The following CNTNAP2 variants were observed in gnomAD, a reference collection of about 807,000 sequenced individuals.
The protein encoded by CNTNAP2 is contactin-associated protein-like 2.
Under a neutral mutation model 155.2 loss-of-function variants are expected in CNTNAP2, and 98 were observed. The ratio of observed to expected loss-of-function variants is 0.63; its 90% CI spans 0.54 to 0.75. The LOEUF (loss-of-function observed/expected upper bound fraction) is 0.75, where lower values mean the gene tolerates loss of function less well. Ranked by LOEUF, CNTNAP2 falls within the 30% of genes least tolerant of loss-of-function variation. The probability of loss-of-function intolerance (pLI) is 0.00; values close to 1 mark genes in which losing one functional copy is unlikely to be tolerated. For missense variants in CNTNAP2, 1,727 were observed against 1,688.1 expected (o/e 1.02, Z -0.40); for synonymous variants, 651 against 631.2 (o/e 1.03, Z -0.47).
intron 1 of CNTNAP2, among the ~76,000 whole-genome samples, chr7:146,675,962 G>T (rs1319394378): frequency 6.6e-6 from 1 of 152,046 alleles, no homozygotes; most frequent in Non-Finnish European, 1.5e-5. Flanking sequence ...AGTGAAATTT[G>T]GTTCTCGAGC....
At chr7:147,431,916 A>G (rs1797472821) in intron 10 of CNTNAP2, among the ~76,000 whole-genome samples, 1 of 152,036 alleles carries the variant, frequency 6.6e-6, no homozygotes, top group Non-Finnish European at 1.5e-5. Context: ...CATGGATTTG[A>G]TTTCTGAGTA....
chr7:147,377,938 T>G, intron 9 of CNTNAP2: 1 of 448,760 alleles, frequency 2.2e-6, no homozygotes, highest in East Asian at 7.0e-5. Flanking sequence ...TTTCTGAATC[T>G]GAATTTTTAA....
chr7:146,780,675 C>A (rs1172617641), intron 2 of CNTNAP2, among the ~76,000 whole-genome samples: 1 of 151,944 alleles, frequency 6.6e-6, no homozygotes, highest in East Asian at 1.9e-4. Context: ...ATATACACCA[C>A]GGAACACTAT....
intron 1 of CNTNAP2, among the ~76,000 whole-genome samples, chr7:146,172,410 T>C (rs1798408119): frequency 6.6e-6 from 1 of 152,098 alleles, no homozygotes; most frequent in Non-Finnish European, 1.5e-5. Flanking sequence ...AGTACCAAGG[T>C]TGAGAAATTC....
At chr7:147,729,536 T>G (rs73472848) in intron 13 of CNTNAP2, among the ~76,000 whole-genome samples, 57,126 of 139,156 alleles carry the variant, frequency 0.41, 13,245 homozygotes, top group African/African-American at 0.66. Flanking sequence ...TTCATAGAAT[T>G]AGGTAAAAAG....
At chr7:146,206,568 A>T (rs925894126) in intron 1 of CNTNAP2, among the ~76,000 whole-genome samples, 1 of 151,946 alleles carries the variant, frequency 6.6e-6, no homozygotes. Context: ...TATACAATGC[A>T]TCTTTAGTAC....
At chr7:147,494,691 A>G (rs1229680428) in intron 11 of CNTNAP2, among the ~76,000 whole-genome samples, 2 of 152,156 alleles carry the variant, frequency 1.3e-5, no homozygotes, top group Non-Finnish European at 2.9e-5. Context: ...ACCCATTTTA[A>G]CACTTTTGTC....
intron 1 of CNTNAP2, among the ~76,000 whole-genome samples, chr7:146,140,555 G>C (rs1287034426): frequency 6.6e-6 from 1 of 152,074 alleles, no homozygotes; most frequent in Non-Finnish European, 1.5e-5. Context: ...TAAAATATTT[G>C]TACTTCAAGT....
intron 1 of CNTNAP2, among the ~76,000 whole-genome samples, chr7:146,168,215 G>T (rs551563012): frequency 6.6e-6 from 1 of 152,146 alleles, no homozygotes; most frequent in South Asian, 2.1e-4. Flanking sequence ...ACAATACTTT[G>T]CCTTCTTCAA....
rs557903500 is a variant in CNTNAP2 at position 147,604,127 on chromosome 7, A to G, written c.1898-34979A>G. Among the ~76,000 whole-genome samples the G allele has an allele frequency of 2.6e-5, 4 of 152,288 alleles. No homozygotes were observed. The East Asian group carries it at 7.7e-4, about 29-fold the overall frequency. On this transcript the variant is annotated intron_variant, in intron 12 of 23. Coordinates refer to ENST00000361727, the MANE Select transcript of CNTNAP2 (RefSeq NM_014141.6). ...CTAAAAACCATAAAAACCCTAGAAGAAAACCTAGGCATTACCATTCAGGAC... is the reference window on the plus strand; with the variant it reads ...CTAAAAACCATAAAAACCCTAGAAGGAAACCTAGGCATTACCATTCAGGAC...
At chr7:146,334,906 C>T (rs983284579) in intron 1 of CNTNAP2, among the ~76,000 whole-genome samples, 2 of 152,172 alleles carry the variant, frequency 1.3e-5, no homozygotes, top group African/African-American at 2.4e-5. Flanking sequence ...TTCTTGCACC[C>T]CTTCCATGCA....
At chr7:147,588,354 G>A (rs907942262) in intron 12 of CNTNAP2, among the ~76,000 whole-genome samples, 1 of 152,126 alleles carries the variant, frequency 6.6e-6, no homozygotes, top group Non-Finnish European at 1.5e-5. Flanking sequence ...GATTGCTGGG[G>A]TAGTCTAGAA....
intron 9 of CNTNAP2, among the ~76,000 whole-genome samples, chr7:147,354,533 C>T (rs1796028785): frequency 6.6e-6 from 1 of 152,124 alleles, no homozygotes; most frequent in South Asian, 2.1e-4. Context: ...GTTTTGATTA[C>T]TGTAGCCTTG....
chr7:146,665,036 C>T (rs951087725), intron 1 of CNTNAP2, among the ~76,000 whole-genome samples: 3 of 152,122 alleles, frequency 2.0e-5, no homozygotes, highest in African/African-American at 7.2e-5. Context: ...GCAACTTCTA[C>T]CTCCCAGGTT....
At chr7:148,175,144 T>A (rs1794910282) in intron 18 of CNTNAP2, among the ~76,000 whole-genome samples, 1 of 152,236 alleles carries the variant, frequency 6.6e-6, no homozygotes, top group East Asian at 1.9e-4. Flanking sequence ...ATTTTCTTTA[T>A]CCAGTCTATC....
At chr7:146,404,624 T>C (rs1795764632) in intron 1 of CNTNAP2, among the ~76,000 whole-genome samples, 1 of 152,116 alleles carries the variant, frequency 6.6e-6, no homozygotes, top group African/African-American at 2.4e-5. Context: ...TAAAAACCAT[T>C]CTGGAGTAAC....
intron 1 of CNTNAP2, among the ~76,000 whole-genome samples, chr7:146,631,543 G>A (rs1799511339): frequency 6.6e-6 from 1 of 152,144 alleles, no homozygotes; most frequent in Non-Finnish European, 1.5e-5. Context: ...ATACCAGTAA[G>A]ACAAATGACC....
At chr7:148,282,962 C>T (rs183038699) in intron 21 of CNTNAP2, among the ~76,000 whole-genome samples, 12 of 152,074 alleles carry the variant, frequency 7.9e-5, no homozygotes, top group Admixed American at 1.3e-4. Context: ...AGGCTGGGCT[C>T]GGTAGCTCAC....
chr7:147,237,351 G>A (rs549154444), intron 8 of CNTNAP2, among the ~76,000 whole-genome samples: 1 of 152,230 alleles, frequency 6.6e-6, no homozygotes, highest in South Asian at 2.1e-4. Context: ...GGGATTACAG[G>A]TGTGAGCCAC....
Sources: allele counts gnomAD v4.1 joint callset (sites outside exome capture counted in the v4.1 genomes callset), GRCh38; gene constraint gnomAD v4.1.1; transcripts MANE v1.5; gene names NCBI Gene and HGNC (gene_info 2026-07-23, HGNC 2026-07-21).